Variants in EPS15L1 observed in about 807,000 individuals in gnomAD.
EPS15L1 encodes the protein epidermal growth factor receptor pathway substrate 15 like 1, also known as epidermal growth factor receptor substrate 15-like 1.
Under a neutral mutation model 117.1 loss-of-function variants are expected in EPS15L1, and 43 were observed. That is an observed-to-expected ratio of 0.37 (90% CI 0.29 to 0.47). The LOEUF is 0.47. Among genes scored for constraint, EPS15L1 ranks in the 20% least tolerant of loss-of-function variants. The probability of loss-of-function intolerance (pLI) is 0.99; values close to 1 mark genes in which losing one functional copy is unlikely to be tolerated. For missense variants in EPS15L1, 981 were observed against 1,164.0 expected, an observed-to-expected ratio of 0.84 and a Z score of 2.29; for synonymous variants, 459 against 470.5, an observed-to-expected ratio of 0.98 and a Z score of 0.32.
intron 1 of EPS15L1, among the ~76,000 whole-genome samples, chr19:16,443,891 C>T (rs981491725): frequency 1.3e-5 from 2 of 151,176 alleles, no homozygotes; most frequent in Non-Finnish European, 3.0e-5. Context: ...AGTGAAACCC[C>T]GTCTCTACTA....
intron 11 of EPS15L1, 78 bp downstream of exon 11, chr19:16,417,870 G>T: frequency 6.5e-7 from 1 of 1,540,742 alleles, no homozygotes; most frequent in Non-Finnish European, 8.8e-7. Context: ...GTGGGCTCAT[G>T]TGTGCCACCA....
At chr19:16,387,581 T>C (rs2092433088) in intron 19 of EPS15L1, among the ~76,000 whole-genome samples, 1 of 152,314 alleles carries the variant, frequency 6.6e-6, no homozygotes, top group East Asian at 1.9e-4. Context: ...CACTGCAGCC[T>C]GGGCAACAAG....
intron 1 of EPS15L1, among the ~76,000 whole-genome samples, chr19:16,458,377 C>T (rs1446591536): frequency 6.6e-6 from 1 of 152,158 alleles, no homozygotes; most frequent in Non-Finnish European, 1.5e-5. Flanking sequence ...CACACACCAA[C>T]ACAGAAGAGC....
rs1036322447 is a variant in EPS15L1 at position 16,362,075 on chromosome 19, G to A, written c.2381-91C>T. 6 of 1,327,210 alleles carry A rather than the reference G, an allele frequency of 4.5e-6. No homozygotes were observed. The Admixed American group carries it at 1.5e-4, about 33-fold the overall frequency. 82.2% of individuals were successfully genotyped at this position (1,327,210 alleles called of 1,614,324 possible). A position where few individuals can be genotyped will look rare whatever the true frequency, so the allele number is the denominator to read the frequency against. ...CAGAATGCTGGTGGGCACAAGCCCG[G>A]GGCGCTTCTCTGAGAAAAGCTTGTA... On this transcript the variant is annotated intron_variant, in intron 22 of 23. Coordinates refer to ENST00000455140, the MANE Select transcript of EPS15L1 (RefSeq NM_001258374.3).
chr19:16,355,832 T>C lies in EPS15L1; in HGVS notation c.2606A>G (p.Gln869Arg). ...GCTCTCCCGCTTGGCCCACGCCAGC[T>C]GCTGCTCCTCATTGCCAAACTGCAA... ...DFTSFGNEEQQLAWAKRESEK... is the reference protein window; with the variant it reads ...DFTSFGNEEQRLAWAKRESEK... Residue 869 changes from glutamine to arginine, a missense_variant, in exon 24 of 24, where the codon CAG becomes CGG. This residue lies in a region of EPS15L1 where 819 missense variants were observed against 949.0 expected (regional missense o/e 0.86). Coordinates refer to ENST00000455140, the MANE Select transcript of EPS15L1 (RefSeq NM_001258374.3). The C allele has an allele frequency of 2.0e-6, 3 of 1,536,026 alleles. No homozygotes were observed. The highest frequency in any genetic ancestry group is 2.6e-6 in the Non-Finnish European group (3 of 1,146,774).
chr19:16,432,828 G>A (rs2092942661), intron 7 of EPS15L1, among the ~76,000 whole-genome samples: 1 of 152,088 alleles, frequency 6.6e-6, no homozygotes, highest in Non-Finnish European at 1.5e-5. Flanking sequence ...TTTAAACAGA[G>A]TCTCAATCCG....
rs986759956 is a variant in EPS15L1, at chr19:16,381,575, T to C, written c.2247+3554A>G. 1.3e-5 allele frequency among the ~76,000 whole-genome samples: 2 copies of C among 152,142 alleles called. No homozygotes were observed. Among genetic ancestry groups the C allele is most frequent in the South Asian group, 2.1e-4 (1 of 4,830 alleles). On this transcript the variant is annotated intron_variant, in intron 21 of 23. Transcript: ENST00000455140. This position sits in a 1 kb window ranked among gnomAD's most constrained non-coding sequence, Gnocchi z 4.2. ...CATCAGTCCACTCACTGGCACTAGA[T>C]AAAGTTGGCACATGGACCACACGAC...
chr19:16,454,739 G>A (rs2093178712), intron 1 of EPS15L1, among the ~76,000 whole-genome samples: 2 of 152,282 alleles, frequency 1.3e-5, no homozygotes, highest in South Asian at 2.1e-4. Context: ...ATTTAGACAT[G>A]CAGCAAAGCA....
intron 13 of EPS15L1, among the ~76,000 whole-genome samples, chr19:16,411,363 T>C (rs531930842): frequency 6.6e-6 from 1 of 152,330 alleles, no homozygotes; most frequent in South Asian, 2.1e-4. Flanking sequence ...GGAAAGTTAG[T>C]GTCAAACTCT....
intron 19 of EPS15L1, among the ~76,000 whole-genome samples, chr19:16,391,622 CTTT>C (rs57277477): frequency 3.0e-5 from 4 of 131,674 alleles, no homozygotes; most frequent in Non-Finnish European, 3.3e-5. Flanking sequence ...ACCGAGGCTG[CTTT>C]TTTTTTTTTT....
At chr19:16,441,836 C>T (rs949567205) in intron 3 of EPS15L1, 56 bp downstream of exon 3, 2 of 1,426,984 alleles carry the variant, frequency 1.4e-6, no homozygotes, top group Non-Finnish European at 2.0e-6. Flanking sequence ...CCCTGACCTG[C>T]GGGGGGAGCT....
At chr19:16,366,861 T>C (rs1160394253) in intron 22 of EPS15L1, among the ~76,000 whole-genome samples, 1 of 152,210 alleles carries the variant, frequency 6.6e-6, no homozygotes, top group East Asian at 1.9e-4. Flanking sequence ...TTTTAGCGGC[T>C]GTATTTTTCA....
intron 1 of EPS15L1, among the ~76,000 whole-genome samples, chr19:16,458,822 T>C (rs1403427012): frequency 1.3e-5 from 2 of 152,170 alleles, no homozygotes; most frequent in African/African-American, 2.4e-5. Context: ...CTACTGAACA[T>C]ATCGGGCACC....
intron 13 of EPS15L1, among the ~76,000 whole-genome samples, chr19:16,408,315 G>A (rs2092676163): frequency 6.6e-6 from 1 of 152,084 alleles, no homozygotes; most frequent in Non-Finnish European, 1.5e-5. Context: ...TGCAGAAACA[G>A]ACAAGCTGAT....
chr19:16,385,116 G>A lies in EPS15L1; in HGVS notation c.2247+13C>T. On this transcript the variant is annotated intron_variant, in intron 21 of 23. Transcript: ENST00000455140. ...ACTAGCAGAGGCGCGGGGGCTCCGT[G>A]GAGGGGCTTTACCTTGGACATCTGG... is the stretch of plus-strand genomic sequence containing the variant. The A allele has an allele frequency of 1.2e-6, 2 of 1,611,788 alleles. No homozygotes were observed. Among genetic ancestry groups the A allele is most frequent in the Middle Eastern group, 1.7e-4 (1 of 6,050 alleles).
At chr19:16,440,357 T>A (rs1442255096) in intron 4 of EPS15L1, among the ~76,000 whole-genome samples, 2 of 150,664 alleles carry the variant, frequency 1.3e-5, no homozygotes, top group Non-Finnish European at 3.0e-5. Context: ...CACTTGATCC[T>A]GGGAGGTGGA....
chr19:16,366,302 G>A (rs1442081866), intron 22 of EPS15L1, among the ~76,000 whole-genome samples: 2 of 152,140 alleles, frequency 1.3e-5, no homozygotes, highest in African/African-American at 2.4e-5. Context: ...CCCCAAGAGC[G>A]ACTGCCACGG....
At chr19:16,363,117 C>G (rs1290695680) in intron 22 of EPS15L1, among the ~76,000 whole-genome samples, 1 of 152,124 alleles carries the variant, frequency 6.6e-6, no homozygotes, top group African/African-American at 2.4e-5. Context: ...ACCTGACGGG[C>G]CTTCCAGCAT....
At chr19:16,420,072 C>T (rs1384677044) in intron 10 of EPS15L1, among the ~76,000 whole-genome samples, 1 of 152,250 alleles carries the variant, frequency 6.6e-6, no homozygotes, top group Non-Finnish European at 1.5e-5. Flanking sequence ...CCCCTCCTCC[C>T]AGTCCCTCCT....
Sources: allele counts gnomAD v4.1 joint callset (sites outside exome capture counted in the v4.1 genomes callset), GRCh38; gene constraint gnomAD v4.1.1; regional missense constraint gnomAD v4.1.1; non-coding constraint Gnocchi (gnomAD v3.1); transcripts MANE v1.5; gene names NCBI Gene and HGNC (gene_info 2026-07-23, HGNC 2026-07-21).